The following WWOX variants were observed in gnomAD, a reference collection of about 807,000 sequenced individuals.
WWOX encodes WW domain containing oxidoreductase, also known as WW domain-containing oxidoreductase.
Under a neutral mutation model 46.2 loss-of-function variants are expected in WWOX, and 69 were observed. The ratio of observed to expected loss-of-function variants is 1.49; its 90% CI spans 1.23 to 1.82. WWOX has a LOEUF of 1.82. Among genes scored for constraint, WWOX ranks in the 40% most tolerant of loss-of-function variants. The pLI, the probability that WWOX is intolerant of heterozygous loss-of-function variation, is 0.00. For synonymous variants in WWOX, 359 were observed against 202.6 expected, an observed-to-expected ratio of 1.77 and a Z score of -6.56; for missense variants, 919 against 542.6, an observed-to-expected ratio of 1.69 and a Z score of -6.89.
At position 78,750,906 on chromosome 16, in the gene WWOX, T is replaced by C. The variant is rs148277518; in HGVS notation, c.1056+318154T>C. Among the ~76,000 whole-genome samples, 348 of 152,282 alleles carry C rather than the reference T, an allele frequency of 2.3e-3. 1 individual carries two copies. The highest frequency in any genetic ancestry group is 7.9e-3 in the African/African-American group (327 of 41,548). ...AACTAATCCACCATTGATGGGCACTTAGGATGATTCCATGTCTTTGCTGTT... is the reference window on the plus strand; with the variant it reads ...AACTAATCCACCATTGATGGGCACTCAGGATGATTCCATGTCTTTGCTGTT... On this transcript the variant is annotated intron_variant, in intron 8 of 8. Coordinates refer to ENST00000566780, the MANE Select transcript of WWOX (RefSeq NM_016373.4).
intron 8 of WWOX, chr16:78,897,949 T>C (rs1432396095): frequency 6.6e-6 from 1 of 152,108 alleles, no homozygotes; most frequent in Admixed American, 6.5e-5. Context: ...TCATTGGCCG[T>C]TCATATATTT....
intron 8 of WWOX, among the ~76,000 whole-genome samples, chr16:78,456,326 A>G (rs1426540612): frequency 6.6e-6 from 1 of 152,228 alleles, no homozygotes; most frequent in African/African-American, 2.4e-5. Context: ...GGGGGCTGAG[A>G]GGCAAGAGAA....
rs1597413267 is a variant in WWOX at position 78,260,235 on chromosome 16, G to T, written c.516+95946G>T. ...AGTAGACCCCCAGCAAACTACAGCA[G>T]TGTTACTGGGAAGAGGGGCCTGATT... On this transcript the variant is annotated intron_variant, in intron 5 of 8. Coordinates refer to ENST00000566780, the MANE Select transcript of WWOX (RefSeq NM_016373.4). 5.9e-5 allele frequency among the ~76,000 whole-genome samples: 9 copies of T among 151,694 alleles called. 1 individual carries two copies. In the South Asian group the frequency reaches 1.9e-3, roughly 31 times the overall value.
intron 5 of WWOX, among the ~76,000 whole-genome samples, chr16:78,381,705 G>C (rs941987209): frequency 6.6e-6 from 1 of 152,192 alleles, no homozygotes; most frequent in Non-Finnish European, 1.5e-5. Context: ...AAGATTCAGT[G>C]ATCTCAGAAC....
At chr16:78,373,124 A>G (rs181809320) in intron 5 of WWOX, among the ~76,000 whole-genome samples, 2 of 152,222 alleles carry the variant, frequency 1.3e-5, no homozygotes, top group Admixed American at 6.5e-5. Flanking sequence ...TCTTTCTTGT[A>G]ATATCTTTGT....
intron 5 of WWOX, among the ~76,000 whole-genome samples, chr16:78,242,002 G>T (rs1407549885): frequency 6.6e-6 from 1 of 152,202 alleles, no homozygotes; most frequent in Non-Finnish European, 1.5e-5. Context: ...ATTTGAGGCT[G>T]AGAAATGGAA....
chr16:79,160,340 G>A (rs915861461), intron 8 of WWOX, among the ~76,000 whole-genome samples: 2 of 152,104 alleles, frequency 1.3e-5, no homozygotes, highest in African/African-American at 2.4e-5. Context: ...GGCACCAAGC[G>A]GGAGGTGGAG....
chr16:78,145,157 C>T (rs1396167653), intron 4 of WWOX, among the ~76,000 whole-genome samples: 3 of 152,100 alleles, frequency 2.0e-5, no homozygotes, highest in Admixed American at 2.0e-4. Context: ...GAGGAGATAC[C>T]TGTTACAGGC....
At chr16:78,129,172 G>A (rs78343528) in intron 4 of WWOX, among the ~76,000 whole-genome samples, 3,059 of 152,216 alleles carry the variant, frequency 0.02, 118 homozygotes, top group African/African-American at 0.07. Flanking sequence ...CTTGCCCAGT[G>A]TTTCTTTTTT....
At chr16:78,311,470 A>G (rs1357663580) in intron 5 of WWOX, among the ~76,000 whole-genome samples, 1 of 152,220 alleles carries the variant, frequency 6.6e-6, no homozygotes, top group Non-Finnish European at 1.5e-5. Context: ...TGAAGCAGAC[A>G]CTGATTCCTC....
chr16:78,647,217 C>G (rs2142132346), intron 8 of WWOX, among the ~76,000 whole-genome samples: 1 of 152,216 alleles, frequency 6.6e-6, no homozygotes, highest in South Asian at 2.1e-4. Flanking sequence ...ACTGTGAGAT[C>G]TCAGAACACA....
intron 8 of WWOX, among the ~76,000 whole-genome samples, chr16:78,659,600 C>CT (rs988242037): frequency 6.6e-5 from 10 of 152,174 alleles, no homozygotes; most frequent in African/African-American, 1.9e-4. Flanking sequence ...CCAAAGTGCA[C>CT]TTGCTTTGCA....
intron 8 of WWOX, among the ~76,000 whole-genome samples, chr16:78,642,796 G>A (rs1228289771): frequency 6.6e-6 from 1 of 152,126 alleles, no homozygotes; most frequent in Non-Finnish European, 1.5e-5. Context: ...CATGACAGAT[G>A]CAGGAAAAAC....
At chr16:78,845,768 C>G (rs1004744545) in intron 8 of WWOX, among the ~76,000 whole-genome samples, 1 of 152,148 alleles carries the variant, frequency 6.6e-6, no homozygotes, top group African/African-American at 2.4e-5. Flanking sequence ...TAATCCTGTA[C>G]TAATTTAATG....
At chr16:78,362,142 A>C (rs945478248) in intron 5 of WWOX, among the ~76,000 whole-genome samples, 5 of 152,048 alleles carry the variant, frequency 3.3e-5, no homozygotes, top group Middle Eastern at 3.4e-3. Context: ...TAGGCTGGTG[A>C]GAACTTGATT....
intron 5 of WWOX, among the ~76,000 whole-genome samples, chr16:78,263,538 C>T (rs555899171): frequency 2.0e-5 from 3 of 152,126 alleles, no homozygotes; most frequent in Non-Finnish European, 4.4e-5. Context: ...TCTTAATCAA[C>T]CCTTGCTGGC....
intron 8 of WWOX, among the ~76,000 whole-genome samples, chr16:78,707,646 A>G (rs2048352116): frequency 6.6e-6 from 1 of 151,942 alleles, no homozygotes; most frequent in South Asian, 2.1e-4. Flanking sequence ...GCTTTGGGAG[A>G]CTAAGGCGGG....
intron 8 of WWOX, among the ~76,000 whole-genome samples, chr16:78,712,049 C>G (rs1024924748): frequency 6.6e-6 from 1 of 152,136 alleles, no homozygotes; most frequent in African/African-American, 2.4e-5. Flanking sequence ...AGCTCTTGGT[C>G]TCCTATATCT....
intron 5 of WWOX, among the ~76,000 whole-genome samples, chr16:78,183,972 A>G (rs2035614684): frequency 6.6e-6 from 1 of 152,166 alleles, no homozygotes; most frequent in Non-Finnish European, 1.5e-5. Flanking sequence ...AGCCTGCACA[A>G]ACACTTTGGG....
Sources: gnomAD v4.1 joint callset for allele counts (sites outside exome capture counted in the v4.1 genomes callset) on GRCh38, gnomAD v4.1.1 for gene constraint, MANE v1.5 for transcripts, NCBI Gene and HGNC (gene_info 2026-07-23, HGNC 2026-07-21) for gene names.